The following CCSER1 variants were observed in gnomAD, a reference collection of about 807,000 sequenced individuals.
The protein encoded by CCSER1 is coiled-coil serine rich protein 1, also known as serine-rich coiled-coil domain-containing protein 1.
Under a neutral mutation model 82.0 loss-of-function variants are expected in CCSER1, and 41 were observed. The ratio of observed to expected loss-of-function variants is 0.50; its 90% confidence interval spans 0.39 to 0.65. The LOEUF is 0.65. Ranked by LOEUF, CCSER1 falls within the 30% of genes least tolerant of loss-of-function variation. The pLI is 0.00. For synonymous variants in CCSER1, 414 were observed against 383.9 expected (o/e 1.08, Z -0.92); for missense variants, 1,119 against 1,064.2 (o/e 1.05, Z -0.72).
chr4:91,315,147 G>T (rs1004507537), intron 10 of CCSER1, among the ~76,000 whole-genome samples: 4 of 58,096 alleles, frequency 6.9e-5, no homozygotes, highest in African/African-American at 2.9e-4. Context: ...AACCGTGTGT[G>T]CAAGTGTGTG....
chr4:91,095,407 T>A (rs961650845), intron 10 of CCSER1, among the ~76,000 whole-genome samples: 1 of 152,164 alleles, frequency 6.6e-6, no homozygotes, highest in African/African-American at 2.4e-5. Context: ...ATCCCTCTAA[T>A]TGCCACAGCC....
intron 1 of CCSER1, among the ~76,000 whole-genome samples, chr4:90,145,889 G>A (rs1253106123): frequency 1.3e-5 from 2 of 151,960 alleles, no homozygotes; most frequent in Non-Finnish European, 1.5e-5. Context: ...TGCACTCATA[G>A]GCATTGTCTT....
intron 10 of CCSER1, among the ~76,000 whole-genome samples, chr4:91,272,641 G>T (rs1581882639): frequency 6.6e-6 from 1 of 152,062 alleles, no homozygotes; most frequent in East Asian, 1.9e-4. Context: ...ATTGCATTTG[G>T]TTTTGTGTCT....
At chr4:90,129,365 C>G (rs1252733211) in intron 1 of CCSER1, among the ~76,000 whole-genome samples, 1 of 152,168 alleles carries the variant, frequency 6.6e-6, no homozygotes, top group African/African-American at 2.4e-5. Flanking sequence ...ATAACAGGTA[C>G]ATGTTCCAGA....
At chr4:90,478,665 A>G (rs988388280) in intron 5 of CCSER1, among the ~76,000 whole-genome samples, 1 of 152,070 alleles carries the variant, frequency 6.6e-6, no homozygotes, top group Admixed American at 6.6e-5. Flanking sequence ...ACAAAGGCAC[A>G]TGGAGATTAA....
chr4:90,857,870 G>A (rs1036835351), intron 8 of CCSER1, among the ~76,000 whole-genome samples: 8 of 152,054 alleles, frequency 5.3e-5, no homozygotes, highest in African/African-American at 1.9e-4. Context: ...TTTGCTAAAT[G>A]AGTAGATTGC....
intron 10 of CCSER1, among the ~76,000 whole-genome samples, chr4:91,471,358 A>G (rs1045919897): frequency 1.2e-4 from 18 of 152,166 alleles, no homozygotes; most frequent in African/African-American, 3.9e-4. Flanking sequence ...AATCTACCCA[A>G]ATGAATTGCT....
At chr4:91,065,135 T>A (rs997628396) in intron 9 of CCSER1, among the ~76,000 whole-genome samples, 1 of 152,086 alleles carries the variant, frequency 6.6e-6, no homozygotes, top group Non-Finnish European at 1.5e-5. Context: ...AATGCTTTAA[T>A]ACATGTCCAA....
At chr4:91,495,729 G>A (rs1278676533) in intron 10 of CCSER1, among the ~76,000 whole-genome samples, 7 of 151,416 alleles carry the variant, frequency 4.6e-5, no homozygotes, top group Non-Finnish European at 8.9e-5. Flanking sequence ...TGAACGAAAT[G>A]TAAATAATAA....
Position 90,551,706 on chromosome 4 carries a change from C to CTATATATA in CCSER1, c.1725-76305_1725-76298dup, listed in dbSNP as rs1553940962. ...TCTCTCTCTCTCTCTCTCTCTCTCT[C>CTATATATA]TATATATATATATATATATATGTAA... On this transcript the variant is annotated intron_variant, in intron 5 of 10. Coordinates refer to ENST00000509176, the MANE Select transcript of CCSER1 (RefSeq NM_001145065.2). Among the ~76,000 whole-genome samples the CTATATATA allele has an allele frequency of 7.1e-3, 744 of 104,176 alleles. 13 individuals are homozygous for CTATATATA. Among genetic ancestry groups the CTATATATA allele is most frequent in the South Asian group, 0.015 (39 of 2,518 alleles). The allele number at this position is 104,176 out of a possible 152,430, so 68.3% of individuals were successfully genotyped here.
At chr4:91,597,216 G>C (rs1443452844) in intron 10 of CCSER1, among the ~76,000 whole-genome samples, 1 of 152,030 alleles carries the variant, frequency 6.6e-6, no homozygotes, top group Non-Finnish European at 1.5e-5. Flanking sequence ...TTTCCAGTCT[G>C]TATAACGGGA....
At chr4:91,263,122 G>A (rs745408353) in intron 10 of CCSER1, among the ~76,000 whole-genome samples, 4 of 151,980 alleles carry the variant, frequency 2.6e-5, no homozygotes, top group Admixed American at 2.0e-4. Flanking sequence ...GTTTATGTGT[G>A]TATAGTTAAA....
Position 91,226,236 on chromosome 4 carries a change from C to T in CCSER1, c.2217+140242C>T, listed in dbSNP as rs141876323. ...GAAGTGGTCAAGGAAAAATGCAAGG[C>T]AGCAAATGATGGTGATTCAGAAAGA... On this transcript the variant is annotated intron_variant, in intron 10 of 10. Transcript: ENST00000509176. Among the ~76,000 whole-genome samples the T allele has an allele frequency of 4.7e-3, 715 of 151,808 alleles. 2 individuals are homozygous for T. Among genetic ancestry groups the T allele is most frequent in the Non-Finnish European group, 7.3e-3 (495 of 67,814 alleles).
intron 7 of CCSER1, among the ~76,000 whole-genome samples, chr4:90,779,065 T>G (rs534058629): frequency 6.6e-6 from 1 of 152,304 alleles, no homozygotes; most frequent in South Asian, 2.1e-4. Flanking sequence ...CTTTCAGATT[T>G]ATGCAAATAT....
At chr4:90,908,322 G>A (rs1348030247) in intron 8 of CCSER1, among the ~76,000 whole-genome samples, 1 of 152,112 alleles carries the variant, frequency 6.6e-6, no homozygotes, top group Non-Finnish European at 1.5e-5. Context: ...TGAAGATCTT[G>A]ATCCATTCAA....
chr4:90,152,633 T>C (rs543805304), intron 1 of CCSER1, among the ~76,000 whole-genome samples: 27 of 151,982 alleles, frequency 1.8e-4, no homozygotes, highest in Non-Finnish European at 3.2e-4. Flanking sequence ...GGAAGGAAAA[T>C]GTAACGTGTG....
intron 6 of CCSER1, among the ~76,000 whole-genome samples, chr4:90,708,392 C>T (rs1208046246): frequency 6.6e-6 from 1 of 152,180 alleles, no homozygotes; most frequent in Non-Finnish European, 1.5e-5. Context: ...GAACCAAAAA[C>T]ACTGAGTTCA....
chr4:90,734,706 C>A (rs1209250918), intron 7 of CCSER1, among the ~76,000 whole-genome samples: 1 of 152,088 alleles, frequency 6.6e-6, no homozygotes, highest in Non-Finnish European at 1.5e-5. Flanking sequence ...TTTTTCAATT[C>A]TAATAATTTT....
chr4:91,323,052 G>C (rs1377246552), intron 10 of CCSER1, among the ~76,000 whole-genome samples: 1 of 152,132 alleles, frequency 6.6e-6, no homozygotes, highest in Non-Finnish European at 1.5e-5. Context: ...GTGGGATTAA[G>C]TATGAATAAT....
Sources: gnomAD v4.1 joint callset for allele counts (sites outside exome capture counted in the v4.1 genomes callset) on GRCh38, gnomAD v4.1.1 for gene constraint, MANE v1.5 for transcripts, NCBI Gene and HGNC (gene_info 2026-07-23, HGNC 2026-07-21) for gene names.